The following DGKB variants were observed in gnomAD, a reference collection of about 807,000 sequenced individuals.
DGKB encodes diacylglycerol kinase beta.
A neutral mutation model predicts 114.3 loss-of-function variants in DGKB; 67 were observed. The ratio of observed to expected loss-of-function variants is 0.59; its 90% confidence interval spans 0.48 to 0.72. DGKB has a LOEUF of 0.72. DGKB is among the 30% of genes least tolerant of loss of function. The pLI is 0.00. For missense variants in DGKB, 907 were observed against 975.2 expected, an observed-to-expected ratio of 0.93 and a Z score of 0.93; for synonymous variants, 398 against 323.1, an observed-to-expected ratio of 1.23 and a Z score of -2.49.
At chr7:14,831,554 A>T (rs1846415761) in intron 2 of DGKB, among the ~76,000 whole-genome samples, 1 of 152,044 alleles carries the variant, frequency 6.6e-6, no homozygotes, top group Non-Finnish European at 1.5e-5. Flanking sequence ...GCTTGTGCAG[A>T]TGTGACCTGG....
intron 21 of DGKB, among the ~76,000 whole-genome samples, chr7:14,360,519 A>G (rs1815520270): frequency 6.6e-6 from 1 of 151,926 alleles, no homozygotes; most frequent in African/African-American, 2.4e-5. Flanking sequence ...TTTAAGGAGC[A>G]CCTACTAAGT....
At chr7:14,861,701 C>T (rs1420251157) in intron 1 of DGKB, among the ~76,000 whole-genome samples, 6 of 151,800 alleles carry the variant, frequency 4.0e-5, no homozygotes, top group Non-Finnish European at 8.8e-5. Flanking sequence ...TGAACTTTAC[C>T]GTGATGAAAT....
chr7:14,890,662 G>A (rs1454229365), intron 1 of DGKB, among the ~76,000 whole-genome samples: 1 of 149,444 alleles, frequency 6.7e-6, no homozygotes, highest in African/African-American at 2.4e-5. Context: ...ATGAGACTCC[G>A]AGAAAATGAC....
intron 13 of DGKB, among the ~76,000 whole-genome samples, chr7:14,649,753 C>T (rs1408620947): frequency 7.0e-6 from 1 of 142,062 alleles, no homozygotes; most frequent in Non-Finnish European, 1.5e-5. Flanking sequence ...GGAAACCCAT[C>T]TCATGTGCAG....
At position 14,478,172 on chromosome 7, in the gene DGKB, T is replaced by G. The variant is rs775806885; in HGVS notation, c.1824A>C (p.Lys608Asn). 1.2e-6 allele frequency: 2 copies of G among 1,602,386 alleles called. No homozygotes were observed. Among genetic ancestry groups the G allele is most frequent in the Non-Finnish European group, 1.7e-6 (2 of 1,172,968 alleles). The change falls in exon 21 of 26, where the codon AAA becomes AAC. Residue 608 changes from lysine (K) to asparagine (N), a missense_variant. By Grantham distance (94) the Lys-to-Asn change is moderately conservative (BLOSUM62 0). This residue lies in a region of DGKB where 814 missense variants were observed against 856.6 expected (regional missense o/e 0.95). Transcript: ENST00000402815. Reference protein sequence around the residue: ...FHIMREKHPEKFNSRMKNKFW... With the variant: ...FHIMREKHPENFNSRMKNKFW... Reference sequence around the variant, plus strand: ...TTTTGTCACCTTACCTACTGTTGAATTTCTCTGGGTGTTTTTCTCTCATGA... The same window carrying G: ...TTTTGTCACCTTACCTACTGTTGAAGTTCTCTGGGTGTTTTTCTCTCATGA...
At chr7:14,726,682 T>C (rs1311804480) in intron 5 of DGKB, among the ~76,000 whole-genome samples, 2 of 152,244 alleles carry the variant, frequency 1.3e-5, no homozygotes, top group East Asian at 1.9e-4. Flanking sequence ...CATCATAATA[T>C]GTTTGTGAAC....
chr7:14,525,029 A>G (rs1304922215), intron 20 of DGKB, among the ~76,000 whole-genome samples: 3 of 152,136 alleles, frequency 2.0e-5, no homozygotes, highest in African/African-American at 7.2e-5. Context: ...TGTGATGAGT[A>G]CATGTAGTCA....
chr7:14,715,951 TG>T (rs1478492553), intron 6 of DGKB, among the ~76,000 whole-genome samples: 4 of 152,168 alleles, frequency 2.6e-5, no homozygotes, highest in African/African-American at 9.7e-5. Flanking sequence ...ATAATAAACA[TG>T]GTGTAAATAC....
intron 1 of DGKB, among the ~76,000 whole-genome samples, chr7:14,882,321 G>C (rs1854355519): frequency 6.6e-6 from 1 of 151,982 alleles, no homozygotes; most frequent in Non-Finnish European, 1.5e-5. Context: ...TTTCACACAA[G>C]GACCATATCT....
chr7:14,772,799 C>T (rs1402104535), intron 2 of DGKB, among the ~76,000 whole-genome samples: 1 of 152,120 alleles, frequency 6.6e-6, no homozygotes. Context: ...AGGAGGAAAT[C>T]ATCCATTGTT....
Position 14,843,315 on chromosome 7 carries a change from C to CT in DGKB, c.-187-1866dup, listed in dbSNP as rs761304991. Among the ~76,000 whole-genome samples, 733 of 77,290 alleles carry CT rather than the reference C, an allele frequency of 9.5e-3. 129 individuals carry two copies. Among genetic ancestry groups the CT allele is most frequent in the Non-Finnish European group, 0.013 (576 of 44,344 alleles). The allele number at this position is 77,290 out of a possible 152,430, so 50.7% of individuals were successfully genotyped here. On this transcript the variant is annotated intron_variant, in intron 1 of 25. Transcript: ENST00000402815. ...TTATTTGTTAATTAAATTTTAATAA[C>CT]TTTTTTTTTTTTTTTTTTTTTTTTT...
At chr7:14,712,932 A>G (rs915201779) in intron 6 of DGKB, among the ~76,000 whole-genome samples, 1 of 152,140 alleles carries the variant, frequency 6.6e-6, no homozygotes, top group Non-Finnish European at 1.5e-5. Flanking sequence ...TTTTAAAAAC[A>G]AAATAAATAT....
chr7:14,871,475 C>G (rs561391627), intron 1 of DGKB, among the ~76,000 whole-genome samples: 14 of 152,054 alleles, frequency 9.2e-5, no homozygotes, highest in African/African-American at 2.9e-4. Flanking sequence ...ATGATCCACC[C>G]TACTCCAATT....
chr7:14,776,593 G>A, intron 2 of DGKB, among the ~76,000 whole-genome samples: 1 of 152,354 alleles, frequency 6.6e-6, no homozygotes, highest in African/African-American at 2.4e-5. Context: ...AGCCTTGTTA[G>A]CTTCCATGTG....
At chr7:14,177,759 T>G (rs1274683630) in intron 24 of DGKB, among the ~76,000 whole-genome samples, 1 of 152,130 alleles carries the variant, frequency 6.6e-6, no homozygotes, top group Non-Finnish European at 1.5e-5. Context: ...AATATGAGTA[T>G]AAATCATAAA....
At chr7:14,433,494 G>C (rs74346963) in intron 21 of DGKB, among the ~76,000 whole-genome samples, 1 of 152,016 alleles carries the variant, frequency 6.6e-6, no homozygotes, top group Non-Finnish European at 1.5e-5. Context: ...GCAAAAATGG[G>C]TAATAAGAAA....
chr7:14,252,841 G>C (rs188623802), intron 23 of DGKB, among the ~76,000 whole-genome samples: 2 of 152,136 alleles, frequency 1.3e-5, no homozygotes, highest in Non-Finnish European at 2.9e-5. Flanking sequence ...TTCCCATGTG[G>C]AGGATATCTC....
chr7:14,184,121 C>G (rs1783044222), intron 23 of DGKB, among the ~76,000 whole-genome samples: 1 of 152,190 alleles, frequency 6.6e-6, no homozygotes, highest in African/African-American at 2.4e-5. Context: ...GAGGAAGCAG[C>G]AGAAAGGCCC....
At chr7:14,903,714 A>C, upstream of DGKB, among the ~76,000 whole-genome samples, 1 of 152,320 alleles carries the variant, frequency 6.6e-6, no homozygotes, top group South Asian at 2.1e-4. Context: ...ATGTATGTGT[A>C]ACCAATCAGG....
Sources: gnomAD v4.1 joint callset for allele counts (sites outside exome capture counted in the v4.1 genomes callset) on GRCh38, gnomAD v4.1.1 for gene constraint, gnomAD v4.1.1 regional missense constraint, MANE v1.5 for transcripts, NCBI Gene and HGNC (gene_info 2026-07-23, HGNC 2026-07-21) for gene names.